Variants in MCF2L observed in about 807,000 individuals in gnomAD.
MCF2L encodes the protein guanine nucleotide exchange factor DBS.
Under a neutral mutation model 153.4 loss-of-function variants are expected in MCF2L, and 97 were observed. The observed-to-expected ratio is 0.63, with a 90% confidence interval of 0.54 to 0.75. The LOEUF (loss-of-function observed/expected upper bound fraction) is 0.75. Ranked by LOEUF, MCF2L falls within the 30% of genes least tolerant of loss-of-function variation. The probability of loss-of-function intolerance (pLI) is 0.00; values close to 1 mark genes in which losing one functional copy is unlikely to be tolerated. For synonymous variants in MCF2L, 659 were observed against 632.2 expected (o/e 1.04, Z -0.64); for missense variants, 1,347 against 1,495.2 (o/e 0.90, Z 1.64).
chr13:113,095,212 AC>A, intron 27 of MCF2L: 1 of 1,225,682 alleles, frequency 8.2e-7, no homozygotes, highest in Non-Finnish European at 1.0e-6. Context: ...TGAGGGTTAC[AC>A]CAAGAAGTGT....
At chr13:112,961,086 CTA>C (rs2081819618) in intron 2 of MCF2L, among the ~76,000 whole-genome samples, 1 of 21,288 alleles carries the variant, frequency 4.7e-5, no homozygotes, top group Non-Finnish European at 1.1e-4. Flanking sequence ...GGGGAGTCTG[CTA>C]TGCCTCCACG....
rs2085116113 is a variant in MCF2L, at chr13:113,024,729, T to C, written c.249T>C (p.Asn83=). 6.2e-7 allele frequency: 1 copy of C among 1,614,170 alleles called. No homozygotes were observed. Residue 83 remains asparagine (N), a synonymous_variant, in exon 3 of 30, where the codon AAT becomes AAC. Coordinates refer to ENST00000535094, the MANE Select transcript of MCF2L (RefSeq NM_001112732.3). The part of the protein sequence containing the change: ...FSEIPDKEFQ[N]VMTYLTSIPS... ...AGATTCCGGACAAGGAGTTCCAGAA[T>C]GTCATGACCTACCTCACCAGCATCC...
chr13:112,948,602 G>GA (rs1491252491), intron 2 of MCF2L, among the ~76,000 whole-genome samples: 2 of 152,186 alleles, frequency 1.3e-5, no homozygotes, highest in African/African-American at 4.8e-5. Flanking sequence ...AAGCAGTACT[G>GA]AGAGGGGAAT....
intron 5 of MCF2L, among the ~76,000 whole-genome samples, chr13:113,062,274 G>C (rs1205198815): frequency 6.6e-6 from 1 of 152,116 alleles, no homozygotes; most frequent in African/African-American, 2.4e-5. Flanking sequence ...GTGCAGCTCA[G>C]AGCTCCTCTG....
chr13:112,916,685 GT>G (rs1410979008), intron 2 of MCF2L, among the ~76,000 whole-genome samples: 2 of 152,180 alleles, frequency 1.3e-5, no homozygotes, highest in Non-Finnish European at 2.9e-5. Context: ...GGCAGACGGT[GT>G]TGATCCTCCA....
intron 2 of MCF2L, among the ~76,000 whole-genome samples, chr13:112,925,676 G>A (rs964067871): frequency 8.5e-5 from 13 of 152,166 alleles, no homozygotes; most frequent in South Asian, 2.1e-4. Context: ...AAGGGGCCAG[G>A]AAGCCTCCTG....
At chr13:113,033,261 A>C (rs77395453) in intron 3 of MCF2L, among the ~76,000 whole-genome samples, 123 of 8,982 alleles carry the variant, frequency 0.014, 1 homozygote, top group African/African-American at 0.027. Flanking sequence ...ACATTAGTGG[A>C]CCCCGTGGCG....
intron 2 of MCF2L, among the ~76,000 whole-genome samples, chr13:113,020,199 T>G (rs1398303230): frequency 6.6e-6 from 1 of 152,200 alleles, no homozygotes; most frequent in Non-Finnish European, 1.5e-5. Flanking sequence ...ACAGATGTCA[T>G]AGTAAATTAA....
intron 4 of MCF2L, among the ~76,000 whole-genome samples, chr13:113,059,920 G>A (rs1419922831): frequency 6.6e-6 from 1 of 152,242 alleles, no homozygotes; most frequent in Non-Finnish European, 1.5e-5. Flanking sequence ...AATTTGACAA[G>A]TGTCTTGGTT....
rs549482299 is a variant in MCF2L, at chr13:113,017,259, G to A, written c.163+2413G>A. Among the ~76,000 whole-genome samples the A allele has an allele frequency of 2.3e-4, 35 of 152,330 alleles. No individual in the cohort carries two copies. In the South Asian group the frequency reaches 6.6e-3, roughly 29 times the overall value. On this transcript the variant is annotated intron_variant, in intron 2 of 29. Transcript: ENST00000535094. ...GACAAAGGCCATGCACTGGGGGACC[G>A]AAACAACTGGGGCTCGTCTCTCAGG... is the stretch of plus-strand genomic sequence containing the variant.
At position 113,027,337 on chromosome 13, in the gene MCF2L, G is replaced by C. The variant is rs536609330; in HGVS notation, c.278+2579G>C. 6.6e-6 allele frequency among the ~76,000 whole-genome samples: 1 copy of C among 152,044 alleles called. No homozygotes were observed. Among genetic ancestry groups the C allele is most frequent in the Non-Finnish European group, 1.5e-5 (1 of 68,030 alleles). The stretch of plus-strand genomic sequence containing the variant: ...GTCATGCCTCAAGGAGAGGGAGAGC[G>C]GTGGGCACCTCTGTCCACTTGGCGG... On this transcript the variant is annotated intron_variant, in intron 3 of 29. Coordinates refer to ENST00000535094, the MANE Select transcript of MCF2L (RefSeq NM_001112732.3). This position sits in a 1 kb window ranked among gnomAD's most constrained non-coding sequence, Gnocchi z 4.8.
chr13:113,002,126 CG>C, intron 1 of MCF2L: 1 of 963,638 alleles, frequency 1.0e-6, no homozygotes, highest in East Asian at 3.2e-5. Context: ...TGGGGGATGC[CG>C]GGGATGGATG....
At chr13:113,051,891 G>A (rs2087357506) in intron 4 of MCF2L, among the ~76,000 whole-genome samples, 1 of 151,276 alleles carries the variant, frequency 6.6e-6, no homozygotes, top group South Asian at 2.1e-4. Flanking sequence ...CCGTTAATCC[G>A]AGAATCCGTG....
intron 2 of MCF2L, chr13:112,917,134 C>T (rs1429563852): frequency 2.1e-6 from 1 of 471,288 alleles, no homozygotes; most frequent in Non-Finnish European, 4.4e-6. Context: ...ATCTCAGTCC[C>T]CTGGCTTGTG....
chr13:113,090,275 T>G (rs1333266659), intron 26 of MCF2L: 2 of 1,321,024 alleles, frequency 1.5e-6, no homozygotes, highest in Non-Finnish European at 2.0e-6. Flanking sequence ...AGCGTTTCTT[T>G]CCACCCAATC....
At position 113,064,847 on chromosome 13, in the gene MCF2L, G is replaced by T; in HGVS notation, c.607-89G>T. 1 of 1,468,258 alleles carries T rather than the reference G, an allele frequency of 6.8e-7. No homozygotes were observed. The allele number at this position is 1,468,258 out of a possible 1,614,324, so 91.0% of individuals were successfully genotyped here. A position where few individuals can be genotyped will look rare whatever the true frequency, so the allele number is the denominator to read the frequency against. On this transcript the variant is annotated intron_variant, in intron 6 of 29. Transcript: ENST00000535094. The surrounding 1 kb of genome is among the most constrained non-coding windows in gnomAD (Gnocchi z 6.0). ...CGGTCTCACCTGATGGGTCTGTGTGGGAACGGTTTCCGCCGGTGTCTGCTT... is the reference window on the plus strand; with the variant it reads ...CGGTCTCACCTGATGGGTCTGTGTGTGAACGGTTTCCGCCGGTGTCTGCTT...
chr13:113,076,822 C>A (rs2033531521), intron 12 of MCF2L, among the ~76,000 whole-genome samples: 1 of 152,256 alleles, frequency 6.6e-6, no homozygotes, highest in Non-Finnish European at 1.5e-5. Flanking sequence ...CCCTCCCTCG[C>A]ATGGAGCTGC....
At chr13:112,940,408 C>T (rs969603428) in intron 2 of MCF2L, among the ~76,000 whole-genome samples, 7 of 152,158 alleles carry the variant, frequency 4.6e-5, no homozygotes, top group East Asian at 3.9e-4. Context: ...ATTCCGGGGG[C>T]GCCAGGCAAG....
intron 1 of MCF2L, among the ~76,000 whole-genome samples, chr13:112,980,702 G>A (rs1353458896): frequency 3.5e-5 from 2 of 57,622 alleles, no homozygotes; most frequent in African/African-American, 9.2e-5. Context: ...ACTGAGGAGG[G>A]CTGTGTCACT....
Sources: allele counts gnomAD v4.1 joint callset (sites outside exome capture counted in the v4.1 genomes callset), GRCh38; gene constraint gnomAD v4.1.1; non-coding constraint Gnocchi (gnomAD v3.1); transcripts MANE v1.5; gene names NCBI Gene and HGNC (gene_info 2026-07-23, HGNC 2026-07-21).